BPHL: variants seen among roughly 807,000 people sequenced by gnomAD.
BPHL encodes biphenyl hydrolase like.
A neutral mutation model predicts 31.2 loss-of-function variants in BPHL; 27 were observed. The ratio of observed to expected loss-of-function variants is 0.87; its 90% CI spans 0.64 to 1.19. BPHL has a LOEUF of 1.19. BPHL is among the 50% of genes most tolerant of loss of function. The probability of loss-of-function intolerance (pLI) is 0.00; values close to 1 mark genes in which losing one functional copy is unlikely to be tolerated. For missense variants in BPHL, 356 were observed against 375.7 expected (o/e 0.95, Z 0.43); for synonymous variants, 150 against 146.8 (o/e 1.02, Z -0.16).
At chr6:3,122,122 A>G (rs1486584542) in intron 1 of BPHL, among the ~76,000 whole-genome samples, 1 of 152,042 alleles carries the variant, frequency 6.6e-6, no homozygotes, top group Non-Finnish European at 1.5e-5. Context: ...TACTAAAAAT[A>G]CAAAAAAATT....
chr6:3,119,135 A>G (rs1174418101), intron 1 of BPHL: 5 of 747,342 alleles, frequency 6.7e-6, no homozygotes, highest in Non-Finnish European at 1.1e-5. Context: ...TGCAGACCAG[A>G]GAGACCCAGG....
chr6:3,126,921 ATT>A (rs34930913), intron 2 of BPHL: 2,153 of 100,134 alleles, frequency 0.022, 28 homozygotes, highest in African/African-American at 0.067. Context: ...GCCCGGCTAC[ATT>A]TTTTTTTTTT....
rs370185430 is a variant in BPHL at position 3,137,711 on chromosome 6, A to T, written c.664+218A>T. ...GGTAGGACTGCGTGTCCAAAGGTTC[A>T]CATTGTTGAGTCTTTAATAGCAGAC... On this transcript the variant is annotated intron_variant, in intron 5 of 6. Coordinates refer to ENST00000380379, the MANE Select transcript of BPHL (RefSeq NM_004332.4). 5.3e-5 allele frequency among the ~76,000 whole-genome samples: 8 copies of T among 152,318 alleles called. No individual in the cohort carries two copies. The South Asian group carries it at 1.7e-3, about 32-fold the overall frequency.
intron 2 of BPHL, among the ~76,000 whole-genome samples, chr6:3,124,349 A>G (rs898881606): frequency 2.0e-5 from 3 of 152,204 alleles, no homozygotes; most frequent in Non-Finnish European, 2.9e-5. Flanking sequence ...AGAAAGTTCA[A>G]GGGAAAAATT....
chr6:3,118,684 G>A, upstream of BPHL: 17 of 1,194,334 alleles, frequency 1.4e-5, no homozygotes, highest in Non-Finnish European at 1.8e-5. Flanking sequence ...GAGTGGGCCG[G>A]GTACCGCGCT....
At chr6:3,144,100 C>T (rs986252114) in intron 6 of BPHL, among the ~76,000 whole-genome samples, 7 of 152,190 alleles carry the variant, frequency 4.6e-5, no homozygotes, top group African/African-American at 1.4e-4. Flanking sequence ...GACAGAGTCT[C>T]GCTGTTGCCC....
chr6:3,118,781 G>C lies in BPHL; in HGVS notation c.41G>C (p.Arg14Pro). Residue 14 changes from arginine (R) to proline (P), a missense_variant, in exon 1 of 7, where the codon CGG (arginine) becomes CCG (proline). Physicochemically the swap from Arg to Pro is moderately radical, Grantham distance 103. Coordinates refer to ENST00000380379, the MANE Select transcript of BPHL (RefSeq NM_004332.4). Reference sequence around the variant, plus strand: ...GGCGGCCGGGGCGTGTTGCGCCTGCGGCTGCTTCTCTCAGCGCTGAAGCCC... The same window carrying C: ...GGCGGCCGGGGCGTGTTGCGCCTGCCGCTGCTTCTCTCAGCGCTGAAGCCC... ...VLGGRGVLRL[R>P]LLLSALKPGI... The C allele has an allele frequency of 8.0e-7, 1 of 1,252,096 alleles. No homozygotes were observed. The highest frequency in any genetic ancestry group is 1.0e-6 in the Non-Finnish European group (1 of 994,760). The allele number at this position is 1,252,096 out of a possible 1,614,324, so 77.6% of individuals were successfully genotyped here.
intron 1 of BPHL, among the ~76,000 whole-genome samples, chr6:3,121,459 C>T (rs1050617300): frequency 2.6e-5 from 4 of 152,006 alleles, no homozygotes; most frequent in Admixed American, 1.3e-4. Flanking sequence ...ACCACCATGC[C>T]GGGCTAATTT....
chr6:3,134,423 TTTTTC>T (rs1264587730), intron 4 of BPHL, among the ~76,000 whole-genome samples: 1 of 151,600 alleles, frequency 6.6e-6, no homozygotes, highest in Non-Finnish European at 1.5e-5. Flanking sequence ...TTCCTTTTTC[TTTTTC>T]TTTTCTTTCC....
chr6:3,133,657 C>T (rs1761933861), intron 4 of BPHL, among the ~76,000 whole-genome samples: 1 of 152,160 alleles, frequency 6.6e-6, no homozygotes, highest in African/African-American at 2.4e-5. Flanking sequence ...CCCACTCCTT[C>T]ACTTGTTTGC....
At chr6:3,125,362 T>A (rs539165072) in intron 2 of BPHL, among the ~76,000 whole-genome samples, 11 of 151,998 alleles carry the variant, frequency 7.2e-5, no homozygotes, top group African/African-American at 2.7e-4. Flanking sequence ...AATTTTTTTT[T>A]ATGTAAAGTA....
In BPHL at chr6:3,149,772, G is replaced by C. The variant is rs1394230854; in HGVS notation, c.789-2716G>C. 6.6e-6 allele frequency among the ~76,000 whole-genome samples: 1 copy of C among 152,118 alleles called. No individual in the cohort carries two copies. Among genetic ancestry groups the C allele is most frequent in the African/African-American group, 2.4e-5 (1 of 41,426 alleles). On this transcript the variant is annotated intron_variant, in intron 6 of 6. Coordinates refer to ENST00000380379, the MANE Select transcript of BPHL (RefSeq NM_004332.4). The surrounding 1 kb of genome is among the most constrained non-coding windows in gnomAD (Gnocchi z 4.6). Reference sequence around the variant, plus strand: ...AGCCTCCCGAGTAGCTGGGATTATAGGCGCGCATCACCACGCCGGCTAATT... The same window carrying C: ...AGCCTCCCGAGTAGCTGGGATTATACGCGCGCATCACCACGCCGGCTAATT...
intron 5 of BPHL, chr6:3,138,047 TCTCA>T: frequency 2.5e-6 from 3 of 1,196,508 alleles, no homozygotes; most frequent in South Asian, 1.3e-5. Context: ...TTAGATGGAG[TCTCA>T]CTCTGTCACC....
chr6:3,146,111 T>TGGAGTGCTGGTTCGGGTC (rs1762343189), intron 6 of BPHL, among the ~76,000 whole-genome samples: 3 of 53,918 alleles, frequency 5.6e-5, no homozygotes, highest in Non-Finnish European at 1.3e-4. Context: ...TGGTTCCGGT[T>TGGAGTGCTGGTTCGGGTC]GGAGTGCTGG....
intron 1 of BPHL, among the ~76,000 whole-genome samples, chr6:3,122,218 T>G (rs550353131): frequency 6.6e-6 from 1 of 152,306 alleles, no homozygotes; most frequent in Admixed American, 6.5e-5. Flanking sequence ...AGGTGGAACT[T>G]GCAGTGAGCC....
Position 3,123,736 on chromosome 6 carries a change from G to A in BPHL, c.187G>A (p.Val63Ile). The A allele has an allele frequency of 6.2e-7, 1 of 1,613,138 alleles. No homozygotes were observed. The highest frequency in any genetic ancestry group is 1.1e-5 in the South Asian group (1 of 90,820). The change falls in exon 2 of 7, where the codon GTC becomes ATC. Residue 63 changes from valine (V) to isoleucine (I), a missense_variant. By Grantham distance (29) the Val-to-Ile change is conservative. Coordinates refer to ENST00000380379, the MANE Select transcript of BPHL (RefSeq NM_004332.4). ...YQQTGEGDHA[V>I]LLLPGMLGSG... is the part of the protein sequence containing the mutation. Reference sequence around the variant, plus strand: ...GCAGACTGGAGAGGGAGATCACGCAGTCCTGCTACTTCCTGGGATGTTAGG... The same window carrying A: ...GCAGACTGGAGAGGGAGATCACGCAATCCTGCTACTTCCTGGGATGTTAGG...
intron 1 of BPHL, among the ~76,000 whole-genome samples, chr6:3,123,090 G>A (rs1581460304): frequency 6.6e-6 from 1 of 152,364 alleles, no homozygotes; most frequent in Middle Eastern, 3.4e-3. Flanking sequence ...AAGCCGCCTA[G>A]GGTTTTTGTA....
intron 2 of BPHL, chr6:3,124,211 A>G (rs1023547255): frequency 3.3e-5 from 5 of 152,266 alleles, no homozygotes; most frequent in African/African-American, 1.2e-4. Context: ...AGGTAAGAAA[A>G]AAAAAACCTC....
chr6:3,152,448 G>C, intron 6 of BPHL, 40 bp from the exon 7 acceptor site: 1 of 1,563,138 alleles, frequency 6.4e-7, no homozygotes, highest in Non-Finnish European at 8.8e-7. Flanking sequence ...TTCTTAAGTG[G>C]TGGGCCATTG....
Sources: allele counts gnomAD v4.1 joint callset (sites outside exome capture counted in the v4.1 genomes callset), GRCh38; gene constraint gnomAD v4.1.1; non-coding constraint Gnocchi (gnomAD v3.1); transcripts MANE v1.5; gene names NCBI Gene and HGNC (gene_info 2026-07-23, HGNC 2026-07-21).